Variants in HADHB observed in about 807,000 individuals in gnomAD.
HADHB encodes the protein hydroxyacyl-CoA dehydrogenase trifunctional multienzyme complex subunit beta, also known as trifunctional enzyme subunit beta, mitochondrial.
A neutral mutation model predicts 61.9 loss-of-function variants in HADHB; 50 were observed. The ratio of observed to expected loss-of-function variants is 0.81; its 90% confidence interval spans 0.64 to 1.02. The LOEUF (loss-of-function observed/expected upper bound fraction) is 1.02. Among genes scored for constraint, HADHB ranks in the 50% least tolerant of loss-of-function variants. HADHB has a pLI of 0.00. For missense variants in HADHB, 504 were observed against 586.5 expected (o/e 0.86, Z 1.45); for synonymous variants, 191 against 201.6 (o/e 0.95, Z 0.45).
At chr2:26,272,608 C>CA (rs1672391261) in intron 5 of HADHB, among the ~76,000 whole-genome samples, 1 of 151,342 alleles carries the variant, frequency 6.6e-6, no homozygotes, top group Non-Finnish European at 1.5e-5. Flanking sequence ...CTCGGCCTCC[C>CA]AAAGTGCTAG....
intron 15 of HADHB, among the ~76,000 whole-genome samples, chr2:26,287,149 A>G (rs1274429770): frequency 6.6e-6 from 1 of 152,132 alleles, no homozygotes; most frequent in Non-Finnish European, 1.5e-5. Flanking sequence ...GGTTGCAGTG[A>G]GCCGAGATGG....
chr2:26,284,012 T>A (rs1360535900), intron 12 of HADHB, 105 bp from the exon 13 acceptor site: 4 of 712,408 alleles, frequency 5.6e-6, no homozygotes, highest in Non-Finnish European at 1.0e-5. Flanking sequence ...AAAGAATGAG[T>A]GAAAAGACAT....
At chr2:26,277,006 C>T in intron 6 of HADHB, 67 bp from the exon 7 acceptor site, 1 of 821,924 alleles carries the variant, frequency 1.2e-6, no homozygotes, top group Non-Finnish European at 2.2e-6. Context: ...AAGATTAGTG[C>T]TCAAAGCATC....
At chr2:26,246,305 T>A (rs1408199524) in intron 1 of HADHB, among the ~76,000 whole-genome samples, 1 of 152,014 alleles carries the variant, frequency 6.6e-6, no homozygotes, top group Admixed American at 6.6e-5. Flanking sequence ...ATCACTTTGG[T>A]CTCTGTTATA....
Position 26,278,705 on chromosome 2 carries a change from A to G in HADHB, c.534A>G (p.Lys178=). Reference sequence around the variant, plus strand: ...ATGTCCCTATTCGTCACTCAAGGAAAATGAGAAAACTGATGCTTGATCTCA... The same window carrying G: ...ATGTCCCTATTCGTCACTCAAGGAAGATGAGAAAACTGATGCTTGATCTCA... ...MSDVPIRHSR[K]MRKLMLDLNK... Residue 178 remains lysine, a synonymous_variant, in exon 8 of 16, where the codon AAA becomes AAG. Transcript: ENST00000317799. The G allele has an allele frequency of 3.1e-6, 5 of 1,614,080 alleles. No homozygotes were observed. Among genetic ancestry groups the G allele is most frequent in the South Asian group, 1.1e-5 (1 of 91,076 alleles).
intron 1 of HADHB, among the ~76,000 whole-genome samples, chr2:26,249,565 A>G (rs77942071): frequency 0.023 from 3,452 of 152,108 alleles, 121 homozygotes; most frequent in African/African-American, 0.077. Flanking sequence ...ACTGAAAAGC[A>G]CAATGAGAGG....
At position 26,283,028 on chromosome 2, in the gene HADHB, T is replaced by C. The variant is rs1672861858; in HGVS notation, c.1038T>C (p.Asp346=). ...YLRDFMYVSQ[D]PKDQLLLGPT... ...GGGATTTTATGTATGTGTCTCAGGATCCAAAAGATCAACTATTACTTGGGT... is the reference window on the plus strand; with the variant it reads ...GGGATTTTATGTATGTGTCTCAGGACCCAAAAGATCAACTATTACTTGGGT... Residue 346 remains aspartate (D), a synonymous_variant, in exon 12 of 16, where the codon GAT becomes GAC. Transcript: ENST00000317799. 3 of 1,609,122 alleles carry C rather than the reference T, an allele frequency of 1.9e-6. No homozygotes were observed. The highest frequency in any genetic ancestry group is 2.6e-6 in the Non-Finnish European group (3 of 1,175,394).
At chr2:26,280,146 T>C (rs1053394326) in intron 10 of HADHB, 31 bp downstream of exon 10, 3 of 1,577,966 alleles carry the variant, frequency 1.9e-6, no homozygotes, top group Non-Finnish European at 2.6e-6. Context: ...TATTTAGTAG[T>C]GACTTTTCTA....
At chr2:26,288,850 CT>C (rs1289248123) in intron 15 of HADHB, among the ~76,000 whole-genome samples, 2 of 152,140 alleles carry the variant, frequency 1.3e-5, no homozygotes, top group Admixed American at 6.5e-5. Flanking sequence ...CTTTTATTTA[CT>C]TTTTTGTTTT....
intron 3 of HADHB, chr2:26,260,981 A>T (rs1329383468): frequency 2.0e-6 from 3 of 1,486,572 alleles, no homozygotes; most frequent in Non-Finnish European, 2.7e-6. Flanking sequence ...CTTTGCCTAG[A>T]GAGAGAATCT....
At chr2:26,279,094 G>T (rs539601104) in intron 8 of HADHB, 41 bp from the exon 9 acceptor site, 16 of 1,500,150 alleles carry the variant, frequency 1.1e-5, no homozygotes. Context: ...GCATAACACC[G>T]GTTAACAGTG....
intron 5 of HADHB, 109 bp downstream of exon 5, chr2:26,270,106 A>C (rs2147816610): frequency 1.3e-6 from 1 of 796,818 alleles, no homozygotes; most frequent in East Asian, 2.5e-5. Context: ...GTACTATACA[A>C]ATTTAAGCAG....
At position 26,277,057 on chromosome 2, in the gene HADHB, A is replaced by G; in HGVS notation, c.355-16A>G. ...TTCCCTTATAGTGATCATTTCATTCACTCTATTTCCTAAAGGCTGCCCTTG... is the reference window on the plus strand; with the variant it reads ...TTCCCTTATAGTGATCATTTCATTCGCTCTATTTCCTAAAGGCTGCCCTTG... On this transcript the variant is annotated splice_polypyrimidine_tract_variant and intron_variant, in intron 6 of 15. Coordinates refer to ENST00000317799, the MANE Select transcript of HADHB (RefSeq NM_000183.3). 4 of 1,301,808 alleles carry G rather than the reference A, an allele frequency of 3.1e-6. No homozygotes were observed. Among genetic ancestry groups the G allele is most frequent in the Non-Finnish European group, 4.5e-6 (4 of 896,218 alleles). The allele number at this position is 1,301,808 out of a possible 1,614,324, so 80.6% of individuals were successfully genotyped here. A position where few individuals can be genotyped will look rare whatever the true frequency, so the allele number is the denominator to read the frequency against.
At position 26,279,743 on chromosome 2, in the gene HADHB, C is replaced by G. The variant is rs1464304406; in HGVS notation, c.812-251C>G. On this transcript the variant is annotated intron_variant, in intron 9 of 15. Transcript: ENST00000317799. ...ATCGTCTGACTTCTGTATAGAATAG[C>G]CAACTGTGAATGAATGTCTTAAGAA... Among the ~76,000 whole-genome samples, 4 of 152,144 alleles carry G rather than the reference C, an allele frequency of 2.6e-5. No homozygotes were observed. The East Asian group carries it at 7.7e-4, about 29-fold the overall frequency.
At position 26,279,858 on chromosome 2, in the gene HADHB, A is replaced by G. The variant is rs192121202; in HGVS notation, c.812-136A>G. ...TTTAAAATTTGATAATATGATAATT[A>G]TAAAACACTTTCCTTCTAGTGAATA... is the stretch of plus-strand genomic sequence containing the variant. On this transcript the variant is annotated intron_variant, in intron 9 of 15. Transcript: ENST00000317799. 3.1e-4 allele frequency: 213 copies of G among 679,280 alleles called. No homozygotes were observed. The African/African-American group carries it at 3.1e-3, about 10-fold the overall frequency. 42.1% of individuals were successfully genotyped at this position (679,280 alleles called of 1,614,324 possible). A position where few individuals can be genotyped will look rare whatever the true frequency, so the allele number is the denominator to read the frequency against.
intron 6 of HADHB, among the ~76,000 whole-genome samples, chr2:26,276,848 A>G (rs1672548646): frequency 6.6e-6 from 1 of 152,244 alleles, no homozygotes; most frequent in Non-Finnish European, 1.5e-5. Flanking sequence ...TCGTGTCTGC[A>G]CTAGAAACCA....
intron 11 of HADHB, 22 bp from the exon 12 acceptor site, chr2:26,282,982 A>G (rs1672858323): frequency 6.2e-7 from 1 of 1,605,148 alleles, no homozygotes; most frequent in Admixed American, 1.7e-5. Context: ...ACCAAAGCTC[A>G]CCTCTCTATT....
rs773677207 is a variant in HADHB at position 26,279,259 on chromosome 2, C to T, written c.755C>T (p.Ala252Val). The change falls in exon 9 of 16, where the codon GCC becomes GTC. Residue 252 changes from alanine (A) to valine (V), a missense_variant. Transcript: ENST00000317799. ...DEYALRSHSL[A>V]KKAQDEGLLS... ...TATGCACTGCGCTCTCACAGTCTAGCCAAGAAGGCACAGGATGAAGGACTC... is the reference window on the plus strand; with the variant it reads ...TATGCACTGCGCTCTCACAGTCTAGTCAAGAAGGCACAGGATGAAGGACTC... 6.2e-7 allele frequency: 1 copy of T among 1,613,372 alleles called. No individual in the cohort carries two copies. Among genetic ancestry groups the T allele is most frequent in the African/African-American group, 1.3e-5 (1 of 74,964 alleles).
intron 1 of HADHB, among the ~76,000 whole-genome samples, chr2:26,251,012 G>GA (rs1417457077): frequency 7.0e-6 from 1 of 141,926 alleles, no homozygotes; most frequent in East Asian, 2.0e-4. Context: ...TTTTCCCAGT[G>GA]AATTCATGGA....
Sources: gnomAD v4.1 joint callset for allele counts (sites outside exome capture counted in the v4.1 genomes callset) on GRCh38, gnomAD v4.1.1 for gene constraint, MANE v1.5 for transcripts, NCBI Gene and HGNC (gene_info 2026-07-23, HGNC 2026-07-21) for gene names.